The following SVIL variants were observed in gnomAD, a reference collection of about 807,000 sequenced individuals.
The protein encoded by SVIL is supervillin, also known as archvillin.
In SVIL, 101 loss-of-function variants were observed where a neutral mutation model predicts 240.4. The observed-to-expected ratio is 0.42, with a 90% CI of 0.36 to 0.50. The LOEUF (loss-of-function observed/expected upper bound fraction) is 0.50. Among genes scored for constraint, SVIL ranks in the 20% least tolerant of loss-of-function variants. The pLI, the probability that SVIL is intolerant of heterozygous loss-of-function variation, is 0.01. For missense variants in SVIL, 2,512 were observed against 2,818.7 expected (o/e 0.89, Z 2.46); for synonymous variants, 999 against 1,100.0 (o/e 0.91, Z 1.82).
At chr10:29,640,260 C>T (rs960572605) in intron 3 of SVIL, among the ~76,000 whole-genome samples, 2 of 152,128 alleles carry the variant, frequency 1.3e-5, no homozygotes, top group Non-Finnish European at 2.9e-5. Flanking sequence ...CTAGATGTGG[C>T]CTGTATGGTA....
At chr10:29,719,026 T>A (rs1197962140) in intron 1 of SVIL, among the ~76,000 whole-genome samples, 1 of 152,164 alleles carries the variant, frequency 6.6e-6, no homozygotes, top group Non-Finnish European at 1.5e-5. Flanking sequence ...GAGAATTGCT[T>A]AAACCCAGGA....
At chr10:29,559,520 A>T (rs1589252818) in intron 3 of SVIL, among the ~76,000 whole-genome samples, 1 of 152,240 alleles carries the variant, frequency 6.6e-6, no homozygotes. Context: ...ATGCTGTGTC[A>T]TAATTATAAT....
At chr10:29,505,387 G>A (rs1030469918) in intron 17 of SVIL, among the ~76,000 whole-genome samples, 6 of 151,756 alleles carry the variant, frequency 4.0e-5, no homozygotes, top group African/African-American at 1.5e-4. Flanking sequence ...AGACACAGAG[G>A]AATCGTAAAT....
At chr10:29,691,212 A>AT (rs1364591858) in intron 1 of SVIL, among the ~76,000 whole-genome samples, 11,222 of 142,490 alleles carry the variant, frequency 0.079, 653 homozygotes, top group African/African-American at 0.16. Flanking sequence ...ATAATGAATA[A>AT]TTTTTTTTTT....
At chr10:29,591,363 C>T (rs1256459970) in intron 1 of SVIL, among the ~76,000 whole-genome samples, 2 of 152,186 alleles carry the variant, frequency 1.3e-5, no homozygotes, top group African/African-American at 4.8e-5. Flanking sequence ...TGGGCCATGG[C>T]ATTGAAACCC....
At chr10:29,584,405 C>CA (rs796642046) in intron 1 of SVIL, among the ~76,000 whole-genome samples, 1 of 152,186 alleles carries the variant, frequency 6.6e-6, no homozygotes, top group East Asian at 1.9e-4. Flanking sequence ...ATCTGAGCAG[C>CA]TTCCCTGCCC....
chr10:29,550,536 G>C (rs1953208869), intron 6 of SVIL, 61 bp downstream of exon 6: 1 of 1,476,746 alleles, frequency 6.8e-7, no homozygotes, highest in Admixed American at 2.4e-5. Flanking sequence ...CTATCACACA[G>C]AGAGGCAAAA....
chr10:29,481,718 C>T lies in SVIL; in HGVS notation c.4966G>A (p.Gly1656Arg). 1 of 1,614,002 alleles carries T rather than the reference C, an allele frequency of 6.2e-7. No homozygotes were observed. Among genetic ancestry groups the T allele is most frequent in the Non-Finnish European group, 8.5e-7 (1 of 1,180,012 alleles). The change falls in exon 28 of 38, where the codon GGG (glycine) becomes AGG (arginine). Residue 1656 changes from glycine to arginine, a missense_variant. Physicochemically the swap from Gly to Arg is moderately radical, Grantham distance 125. Coordinates refer to ENST00000355867, the MANE Select transcript of SVIL (RefSeq NM_021738.3). ...CCAAATATCGCCCAGTCGGGCCGCCCCTGTCCTTTTCTGTAGGGTGGGAGG... is the reference window on the plus strand; with the variant it reads ...CCAAATATCGCCCAGTCGGGCCGCCTCTGTCCTTTTCTGTAGGGTGGGAGG... ...CNPLIPRKGQGRPDWAIFGRL... is the reference protein window; with the variant it reads ...CNPLIPRKGQRRPDWAIFGRL...
chr10:29,465,757 A>T lies in SVIL; in HGVS notation c.5978-7T>A. The T allele has an allele frequency of 6.2e-7, 1 of 1,611,208 alleles. No individual in the cohort carries two copies. The highest frequency in any genetic ancestry group is 8.5e-7 in the Non-Finnish European group (1 of 1,179,510). On this transcript the variant is annotated splice_region_variant and splice_polypyrimidine_tract_variant and intron_variant, in intron 33 of 37. Transcript: ENST00000355867. ...AAGTTAAAACTTCCAGGATCTTTGA[A>T]AGAAAAGAGAACAAAGCTGAAGATA...
rs745657016 is a variant in SVIL, at chr10:29,523,946, A to C, written c.2668T>G (p.Tyr890Asp). The part of the protein sequence containing the change: ...STVASTVAPM[Y>D]AGDLRTKPPL... ...GGCTTTGTGCGAAGATCTCCGGCAT[A>C]CATTGGAGCAACCGTGGATGCTACG... Residue 890 changes from tyrosine (Y) to aspartate (D), a missense_variant, in exon 15 of 38, where the codon TAT becomes GAT. By Grantham distance (160) the Tyr-to-Asp change is radical (BLOSUM62 -3). Coordinates refer to ENST00000355867, the MANE Select transcript of SVIL (RefSeq NM_021738.3). The C allele has an allele frequency of 5.0e-6, 8 of 1,614,194 alleles. No homozygotes were observed. The South Asian group carries it at 7.7e-5, about 16-fold the overall frequency.
intron 1 of SVIL, among the ~76,000 whole-genome samples, chr10:29,726,121 T>G (rs1964275422): frequency 6.6e-6 from 1 of 151,970 alleles, no homozygotes; most frequent in African/African-American, 2.4e-5. Flanking sequence ...GGGGTCTTAC[T>G]AAGTTGCCCA....
In SVIL at chr10:29,735,461, G is replaced by C. The variant is rs1964849152; in HGVS notation, c.-400+290C>G. Among the ~76,000 whole-genome samples the C allele has an allele frequency of 6.6e-6, 1 of 151,718 alleles. No homozygotes were observed. The highest frequency in any genetic ancestry group is 1.5e-5 in the Non-Finnish European group (1 of 67,872). ...CCCGGCCCGCTCCTCCCCGAGGCGC[G>C]CTCCGGGGACGGAAGTGGGTGGGAG... On this transcript the variant is annotated intron_variant, in intron 1 of 35. Transcript: ENST00000375400. The surrounding 1 kb of genome is among the most constrained non-coding windows in gnomAD (Gnocchi z 4.1).
chr10:29,463,430 G>A, intron 35 of SVIL, 62 bp downstream of exon 35: 2 of 1,558,534 alleles, frequency 1.3e-6, no homozygotes, highest in Non-Finnish European at 1.7e-6. Context: ...TCTCCTGGCT[G>A]CGCATGCCTG....
chr10:29,708,310 TAATC>T (rs894075440), intron 1 of SVIL, among the ~76,000 whole-genome samples: 4 of 95,206 alleles, frequency 4.2e-5, no homozygotes, highest in Non-Finnish European at 6.7e-5. Context: ...GAAGAGAAAA[TAATC>T]AGTCATCAGA....
chr10:29,648,900 G>A (rs1958750970), intron 3 of SVIL, among the ~76,000 whole-genome samples: 1 of 152,028 alleles, frequency 6.6e-6, no homozygotes, highest in African/African-American at 2.4e-5. Flanking sequence ...CACTTTAGGA[G>A]GCCAAGTGGG....
chr10:29,613,318 T>A (rs548320621), intron 1 of SVIL, among the ~76,000 whole-genome samples: 1 of 152,234 alleles, frequency 6.6e-6, no homozygotes, highest in Admixed American at 6.5e-5. Context: ...TTTTTCAAGA[T>A]CTTTATCAAG....
At chr10:29,593,981 C>T (rs1267088974) in intron 1 of SVIL, among the ~76,000 whole-genome samples, 2 of 152,036 alleles carry the variant, frequency 1.3e-5, no homozygotes, top group Non-Finnish European at 2.9e-5. Context: ...GAAAATACCC[C>T]GTAGTGTACT....
At chr10:29,713,230 G>A (rs541581519) in intron 1 of SVIL, among the ~76,000 whole-genome samples, 5 of 151,436 alleles carry the variant, frequency 3.3e-5, no homozygotes, top group South Asian at 4.2e-4. Flanking sequence ...AGGAATTCAT[G>A]TACTGATAAA....
chr10:29,609,953 C>A (rs1336461508), intron 1 of SVIL, among the ~76,000 whole-genome samples: 1 of 152,200 alleles, frequency 6.6e-6, no homozygotes, highest in Non-Finnish European at 1.5e-5. Flanking sequence ...AGAGGTGCCA[C>A]CAGCAACAGA....
Sources: allele counts gnomAD v4.1 joint callset (sites outside exome capture counted in the v4.1 genomes callset), GRCh38; gene constraint gnomAD v4.1.1; non-coding constraint Gnocchi (gnomAD v3.1); transcripts MANE v1.5; gene names NCBI Gene and HGNC (gene_info 2026-07-23, HGNC 2026-07-21).